CSMD1: variants seen among roughly 807,000 people sequenced by gnomAD.
CSMD1 encodes CUB and sushi domain-containing protein 1.
In CSMD1, 213 loss-of-function variants were observed where a neutral mutation model predicts 417.5. The ratio of observed to expected loss-of-function variants is 0.51; its 90% confidence interval spans 0.46 to 0.57. The LOEUF is 0.57. Among genes scored for constraint, CSMD1 ranks in the 20% least tolerant of loss-of-function variants. CSMD1 has a pLI of 0.00. For synonymous variants in CSMD1, 2,862 were observed against 1,736.8 expected, an observed-to-expected ratio of 1.65 and a Z score of -16.11; for missense variants, 6,923 against 4,529.7, an observed-to-expected ratio of 1.53 and a Z score of -15.17.
At chr8:4,777,951 G>T (rs984606136) in intron 1 of CSMD1, among the ~76,000 whole-genome samples, 4 of 152,224 alleles carry the variant, frequency 2.6e-5, no homozygotes, top group African/African-American at 9.6e-5. Flanking sequence ...GTAGGGATGT[G>T]TGACAAATAC....
intron 3 of CSMD1, among the ~76,000 whole-genome samples, chr8:4,186,052 G>C (rs1324881966): frequency 1.3e-5 from 2 of 152,126 alleles, no homozygotes; most frequent in East Asian, 1.9e-4. Flanking sequence ...GGTGGGCCTG[G>C]ATTCTGCACG....
Position 4,994,605 on chromosome 8 carries a change from T to A in CSMD1, c.-189A>T. 1 of 599,312 alleles carries A rather than the reference T, an allele frequency of 1.7e-6. No individual in the cohort carries two copies. The highest frequency in any genetic ancestry group is 3.0e-6 in the Non-Finnish European group (1 of 333,408). The allele number at this position is 599,312 out of a possible 1,614,324, so 37.1% of individuals were successfully genotyped here. On this transcript the variant is annotated 5_prime_UTR_variant, in exon 1 of 70. Coordinates refer to ENST00000635120, the MANE Select transcript of CSMD1 (RefSeq NM_033225.6). Reference sequence around the variant, plus strand: ...CTCGCTTCCCTCTCATAGCATCGGGTCCCGAGCCACTGCAGGGCTGAGCTG... The same window carrying A: ...CTCGCTTCCCTCTCATAGCATCGGGACCCGAGCCACTGCAGGGCTGAGCTG...
In CSMD1 at chr8:2,997,971, C is replaced by G. The variant is rs950834809; in HGVS notation, c.8377+40G>C. ...TGGTGTTACTGGGCAGCCTAGAACA[C>G]TCTCAGAGCAAAGGGCTCATTCCTG... On this transcript the variant is annotated intron_variant, in intron 54 of 69. Coordinates refer to ENST00000635120, the MANE Select transcript of CSMD1 (RefSeq NM_033225.6). 6 of 1,592,540 alleles carry G rather than the reference C, an allele frequency of 3.8e-6. No individual in the cohort carries two copies. The African/African-American group carries it at 8.0e-5, about 21-fold the overall frequency.
intron 2 of CSMD1, among the ~76,000 whole-genome samples, chr8:4,542,152 C>G (rs920340963): frequency 6.6e-6 from 1 of 152,128 alleles, no homozygotes. Context: ...TATACTGAAT[C>G]CACATTCTTA....
intron 3 of CSMD1, among the ~76,000 whole-genome samples, chr8:4,163,620 G>T (rs1352076220): frequency 6.6e-6 from 1 of 152,056 alleles, no homozygotes; most frequent in Non-Finnish European, 1.5e-5. Context: ...TCAAAACTCT[G>T]TTGACTATCT....
Position 3,094,858 on chromosome 8 carries a change from T to C in CSMD1, c.7138+1991A>G, listed in dbSNP as rs1815190914. Among the ~76,000 whole-genome samples, 5 of 150,426 alleles carry C rather than the reference T, an allele frequency of 3.3e-5. No individual in the cohort carries two copies. The South Asian group carries it at 1.1e-3, about 32-fold the overall frequency. On this transcript the variant is annotated intron_variant, in intron 47 of 69. Coordinates refer to ENST00000635120, the MANE Select transcript of CSMD1 (RefSeq NM_033225.6). ...GAGACAGAAAGATATGAACATGACATTTACTGCAACAAAAATGTCATCGCT... is the reference window on the plus strand; with the variant it reads ...GAGACAGAAAGATATGAACATGACACTTACTGCAACAAAAATGTCATCGCT...
At chr8:4,824,323 T>G (rs142226630) in intron 1 of CSMD1, among the ~76,000 whole-genome samples, 51 of 152,184 alleles carry the variant, frequency 3.4e-4, no homozygotes, top group African/African-American at 1.2e-3. Flanking sequence ...TTTGTGTTAT[T>G]TGGTTGGGAG....
intron 5 of CSMD1, among the ~76,000 whole-genome samples, chr8:3,779,290 A>G (rs946125518): frequency 6.6e-6 from 1 of 152,012 alleles, no homozygotes. Flanking sequence ...TTATGAAACT[A>G]GGCTTGAACT....
chr8:3,571,302 G>A (rs935191973), intron 10 of CSMD1, among the ~76,000 whole-genome samples: 3 of 152,154 alleles, frequency 2.0e-5, no homozygotes, highest in African/African-American at 4.8e-5. Context: ...GGACTTGGAT[G>A]GACAGTAGGC....
intron 1 of CSMD1, among the ~76,000 whole-genome samples, chr8:4,859,950 C>T (rs1462422408): frequency 1.3e-5 from 2 of 152,218 alleles, no homozygotes; most frequent in African/African-American, 4.8e-5. Flanking sequence ...GCTATAAAGA[C>T]ACATGCACAC....
intron 8 of CSMD1, among the ~76,000 whole-genome samples, chr8:3,596,133 G>A (rs1218671801): frequency 6.6e-6 from 1 of 152,178 alleles, no homozygotes; most frequent in Non-Finnish European, 1.5e-5. Context: ...TCTGTAGCTC[G>A]AGGGAGGAAA....
At chr8:4,914,250 G>T in intron 1 of CSMD1, among the ~76,000 whole-genome samples, 1 of 152,104 alleles carries the variant, frequency 6.6e-6, no homozygotes, top group East Asian at 1.9e-4. Context: ...GCAAGTGAGT[G>T]TGCAGAGGAA....
chr8:4,745,777 T>C lies in CSMD1; in HGVS notation c.86-108219A>G, dbSNP rs543107349. Among the ~76,000 whole-genome samples, 15 of 152,324 alleles carry C rather than the reference T, an allele frequency of 9.8e-5. No homozygotes were observed. In the South Asian group the frequency reaches 2.9e-3, roughly 29 times the overall value. The stretch of plus-strand genomic sequence containing the variant: ...TTTAAATCTATAGGAACACGCATTT[T>C]TGAACTTCTACCACAAGTACAGTGA... On this transcript the variant is annotated intron_variant, in intron 1 of 69. Transcript: ENST00000635120.
At chr8:3,953,719 G>A (rs1168642706) in intron 5 of CSMD1, among the ~76,000 whole-genome samples, 1 of 152,104 alleles carries the variant, frequency 6.6e-6, no homozygotes, top group African/African-American at 2.4e-5. Context: ...CGGGGACTCA[G>A]GAGAAGCTTC....
intron 5 of CSMD1, among the ~76,000 whole-genome samples, chr8:3,947,682 A>G (rs923483312): frequency 1.3e-5 from 2 of 152,216 alleles, no homozygotes; most frequent in Non-Finnish European, 2.9e-5. Context: ...AAGATAATAT[A>G]ACATAGTATC....
intron 3 of CSMD1, among the ~76,000 whole-genome samples, chr8:4,070,394 G>A (rs1470175104): frequency 6.6e-6 from 1 of 152,102 alleles, no homozygotes; most frequent in Non-Finnish European, 1.5e-5. Flanking sequence ...GTCTCGCTGT[G>A]TCGCCCAGGC....
chr8:4,893,874 A>C (rs1055100374), intron 1 of CSMD1, among the ~76,000 whole-genome samples: 3 of 152,102 alleles, frequency 2.0e-5, no homozygotes, highest in African/African-American at 7.3e-5. Flanking sequence ...TTCCCCAAAA[A>C]CAGAAAAAAA....
chr8:3,078,793 T>C (rs976148768), intron 49 of CSMD1, among the ~76,000 whole-genome samples: 24 of 152,194 alleles, frequency 1.6e-4, no homozygotes, highest in African/African-American at 5.5e-4. Context: ...TAAACACTGC[T>C]GCCTTGACAT....
intron 2 of CSMD1, among the ~76,000 whole-genome samples, chr8:4,502,216 A>G (rs370667543): frequency 4.9e-4 from 74 of 152,250 alleles, no homozygotes; most frequent in African/African-American, 1.7e-3. Context: ...TTACTATTGC[A>G]GTAGAATGAG....
Sources: gnomAD v4.1 joint callset for allele counts (sites outside exome capture counted in the v4.1 genomes callset) on GRCh38, gnomAD v4.1.1 for gene constraint, MANE v1.5 for transcripts, NCBI Gene and HGNC (gene_info 2026-07-23, HGNC 2026-07-21) for gene names.